Variants in TRIM33 observed in about 807,000 individuals in gnomAD.
The protein encoded by TRIM33 is tripartite motif containing 33.
In TRIM33, 20 loss-of-function variants were observed where a neutral mutation model predicts 125.4. The observed-to-expected ratio is 0.16, with a 90% CI of 0.11 to 0.23. TRIM33 has a LOEUF of 0.23. TRIM33 is among the 10% of genes least tolerant of loss of function. The pLI, the probability that TRIM33 is intolerant of heterozygous loss-of-function variation, is 1.00. For missense variants in TRIM33, 920 were observed against 1,411.4 expected (o/e 0.65, Z 5.58); for synonymous variants, 564 against 513.9 (o/e 1.10, Z -1.32).
At chr1:114,443,533 T>A (rs2101256661) in intron 4 of TRIM33, among the ~76,000 whole-genome samples, 1 of 152,256 alleles carries the variant, frequency 6.6e-6, no homozygotes, top group Non-Finnish European at 1.5e-5. Context: ...CACTGCACCC[T>A]GATGAAAAGC....
intron 1 of TRIM33, among the ~76,000 whole-genome samples, chr1:114,504,869 T>C (rs1192013332): frequency 6.6e-6 from 1 of 152,210 alleles, no homozygotes; most frequent in Non-Finnish European, 1.5e-5. Context: ...TACATATCAG[T>C]AGACATCAGA....
chr1:114,454,515 A>G (rs1649514432), intron 4 of TRIM33, among the ~76,000 whole-genome samples: 1 of 151,586 alleles, frequency 6.6e-6, no homozygotes. Flanking sequence ...GGAAGTCTTC[A>G]TCTCTACAAA....
At chr1:114,501,625 AC>A (rs1332420727) in intron 1 of TRIM33, among the ~76,000 whole-genome samples, 2 of 152,182 alleles carry the variant, frequency 1.3e-5, no homozygotes, top group African/African-American at 4.8e-5. Context: ...GAGAAAAGGA[AC>A]AAGGGGCCAT....
intron 5 of TRIM33, among the ~76,000 whole-genome samples, chr1:114,432,616 C>T (rs1648032047): frequency 6.6e-6 from 1 of 152,116 alleles, no homozygotes; most frequent in African/African-American, 2.4e-5. Flanking sequence ...GAAACCCCGT[C>T]TCTACTAAAA....
chr1:114,417,369 A>T (rs1653002871), intron 11 of TRIM33, among the ~76,000 whole-genome samples: 1 of 152,234 alleles, frequency 6.6e-6, no homozygotes, highest in African/African-American at 2.4e-5. Context: ...ATAAAAAAGT[A>T]GATGATACTT....
intron 1 of TRIM33, among the ~76,000 whole-genome samples, chr1:114,465,243 T>C (rs918588822): frequency 2.0e-5 from 3 of 152,146 alleles, no homozygotes; most frequent in Non-Finnish European, 2.9e-5. Flanking sequence ...AGGTAACACA[T>C]AGAGGCTAAA....
At chr1:114,418,724 G>A (rs1653087202) in intron 11 of TRIM33, among the ~76,000 whole-genome samples, 1 of 152,002 alleles carries the variant, frequency 6.6e-6, no homozygotes, top group African/African-American at 2.4e-5. Flanking sequence ...TATCTTTTGA[G>A]GTTTCTCGCA....
chr1:114,468,499 G>T, intron 1 of TRIM33: 1 of 385,416 alleles, frequency 2.6e-6, no homozygotes, highest in South Asian at 2.2e-5. Context: ...GAGAACAGTA[G>T]GGAAAAAGGT....
chr1:114,441,679 C>A (rs1648663695), intron 4 of TRIM33, among the ~76,000 whole-genome samples: 2 of 150,380 alleles, frequency 1.3e-5, no homozygotes, highest in Admixed American at 1.3e-4. Flanking sequence ...ATAATTTTGC[C>A]ATTTAATAAA....
intron 11 of TRIM33, among the ~76,000 whole-genome samples, chr1:114,413,390 C>T (rs1652708823): frequency 6.6e-6 from 1 of 151,662 alleles, no homozygotes; most frequent in African/African-American, 2.4e-5. Context: ...GAAACCCCGT[C>T]TCTATTAAAA....
chr1:114,401,490 C>T, intron 16 of TRIM33, 27 bp from the exon 17 acceptor site: 1 of 1,588,954 alleles, frequency 6.3e-7, no homozygotes, highest in Middle Eastern at 1.7e-4. Flanking sequence ...AAGGAAAGCA[C>T]ATGAAATATT....
At chr1:114,485,840 C>T (rs187622046) in intron 1 of TRIM33, among the ~76,000 whole-genome samples, 1 of 152,244 alleles carries the variant, frequency 6.6e-6, no homozygotes, top group East Asian at 1.9e-4. Flanking sequence ...TTGCAATATA[C>T]TCAAAAAATT....
At chr1:114,473,162 C>T (rs949501505) in intron 1 of TRIM33, among the ~76,000 whole-genome samples, 1 of 150,062 alleles carries the variant, frequency 6.7e-6, no homozygotes, top group Non-Finnish European at 1.5e-5. Context: ...GAGGCTGAGG[C>T]AGGAGAATGG....
chr1:114,408,352 C>T (rs952012715), intron 13 of TRIM33, among the ~76,000 whole-genome samples: 8 of 151,904 alleles, frequency 5.3e-5, no homozygotes, highest in Non-Finnish European at 1.2e-4. Flanking sequence ...TAAACATTAA[C>T]TGGATCTCTA....
chr1:114,421,692 A>G (rs1254837551), intron 10 of TRIM33, 56 bp from the exon 11 acceptor site: 7 of 1,540,976 alleles, frequency 4.5e-6, no homozygotes, highest in Non-Finnish European at 6.3e-6. Flanking sequence ...CTGAATATAA[A>G]CTATACCTTT....
chr1:114,480,733 AG>A (rs1306025918), intron 1 of TRIM33, among the ~76,000 whole-genome samples: 1 of 152,174 alleles, frequency 6.6e-6, no homozygotes, highest in Non-Finnish European at 1.5e-5. Flanking sequence ...TGAAAAGAAG[AG>A]ATTGTCAAAC....
At chr1:114,402,197 T>C (rs1651938224) in intron 16 of TRIM33, among the ~76,000 whole-genome samples, 3 of 152,136 alleles carry the variant, frequency 2.0e-5, no homozygotes, top group South Asian at 4.1e-4. Flanking sequence ...TTTAATATGA[T>C]GAGAAGCTAT....
intron 17 of TRIM33, among the ~76,000 whole-genome samples, chr1:114,401,076 G>C (rs1399289067): frequency 7.0e-6 from 1 of 142,906 alleles, no homozygotes; most frequent in African/African-American, 2.6e-5. Context: ...TCGCTCTGTC[G>C]CCCAGGCTGG....
At chr1:114,456,105 G>A (rs1322741099) in intron 4 of TRIM33, among the ~76,000 whole-genome samples, 1 of 152,186 alleles carries the variant, frequency 6.6e-6, no homozygotes, top group Non-Finnish European at 1.5e-5. Flanking sequence ...CTGCCTTTAT[G>A]TGAGGTGGTT....
Sources: allele counts gnomAD v4.1 joint callset (sites outside exome capture counted in the v4.1 genomes callset), GRCh38; gene constraint gnomAD v4.1.1; transcripts MANE v1.5; gene names NCBI Gene and HGNC (gene_info 2026-07-23, HGNC 2026-07-21).